PTPRD: variants seen among roughly 807,000 people sequenced by gnomAD.
The protein encoded by PTPRD is receptor-type tyrosine-protein phosphatase delta.
A neutral mutation model predicts 214.5 loss-of-function variants in PTPRD; 34 were observed. The ratio of observed to expected loss-of-function variants is 0.16; its 90% CI spans 0.12 to 0.21. The LOEUF is 0.21. Among genes scored for constraint, PTPRD ranks in the 10% least tolerant of loss-of-function variants. The pLI, the probability that PTPRD is intolerant of heterozygous loss-of-function variation, is 1.00. For synonymous variants in PTPRD, 1,128 were observed against 845.7 expected, an observed-to-expected ratio of 1.33 and a Z score of -5.79; for missense variants, 2,545 against 2,398.7, an observed-to-expected ratio of 1.06 and a Z score of -1.27.
intron 4 of PTPRD, among the ~76,000 whole-genome samples, chr9:9,945,728 T>A (rs1209160988): frequency 6.6e-6 from 1 of 152,086 alleles, no homozygotes; most frequent in Non-Finnish European, 1.5e-5. Context: ...TTTTCACACA[T>A]AAATAGAACA....
intron 10 of PTPRD, among the ~76,000 whole-genome samples, chr9:9,173,557 G>A (rs986350877): frequency 1.3e-5 from 2 of 152,090 alleles, no homozygotes; most frequent in South Asian, 4.1e-4. Flanking sequence ...TAGGCTATAT[G>A]GTATAGCTTA....
intron 2 of PTPRD, among the ~76,000 whole-genome samples, chr9:10,414,925 C>T (rs1162223451): frequency 6.6e-6 from 1 of 151,342 alleles, no homozygotes; most frequent in Non-Finnish European, 1.5e-5. Context: ...CTGGGGTCTA[C>T]TTGAGGGTGA....
chr9:8,802,293 C>A (rs2096587449), intron 11 of PTPRD, among the ~76,000 whole-genome samples: 1 of 152,040 alleles, frequency 6.6e-6, no homozygotes, highest in African/African-American at 2.4e-5. Flanking sequence ...GTGTAGAAAG[C>A]AATACAGAAA....
chr9:10,185,122 C>G (rs560091115), intron 3 of PTPRD, among the ~76,000 whole-genome samples: 2 of 152,062 alleles, frequency 1.3e-5, no homozygotes, highest in Non-Finnish European at 2.9e-5. Context: ...ACACTATTAT[C>G]AGAACAGCAT....
intron 8 of PTPRD, among the ~76,000 whole-genome samples, chr9:9,407,157 C>T (rs1028834004): frequency 6.6e-5 from 10 of 151,820 alleles, no homozygotes; most frequent in Middle Eastern, 3.4e-3. Context: ...ATTGGCTTAT[C>T]GATATCTGAA....
chr9:10,067,060 G>A (rs542215350), intron 3 of PTPRD, among the ~76,000 whole-genome samples: 246 of 151,998 alleles, frequency 1.6e-3, no homozygotes, highest in Non-Finnish European at 2.5e-3. Context: ...CCGTGCTTAT[G>A]AGGGTGATGT....
At chr9:9,835,286 C>G (rs888196823) in intron 5 of PTPRD, among the ~76,000 whole-genome samples, 1 of 152,022 alleles carries the variant, frequency 6.6e-6, no homozygotes, top group African/African-American at 2.4e-5. Flanking sequence ...ACCATACAAC[C>G]CCTGAGACTT....
intron 2 of PTPRD, among the ~76,000 whole-genome samples, chr9:10,460,934 T>C (rs1178247239): frequency 6.6e-6 from 1 of 151,350 alleles, no homozygotes; most frequent in Non-Finnish European, 1.5e-5. Context: ...AAAGAAAAAA[T>C]CAACAAAATG....
chr9:9,387,036 G>C (rs920106659), intron 9 of PTPRD, among the ~76,000 whole-genome samples: 12 of 152,200 alleles, frequency 7.9e-5, no homozygotes, highest in Non-Finnish European at 1.5e-5. Flanking sequence ...ACTTTGATGT[G>C]AGTGCAGGTG....
chr9:8,553,699 G>A (rs182606031), intron 14 of PTPRD, among the ~76,000 whole-genome samples: 1 of 152,198 alleles, frequency 6.6e-6, no homozygotes, highest in Non-Finnish European at 1.5e-5. Flanking sequence ...CGTCTAAAAT[G>A]TATGTTCTCT....
At chr9:9,318,571 T>C (rs546319172) in intron 9 of PTPRD, among the ~76,000 whole-genome samples, 1 of 152,290 alleles carries the variant, frequency 6.6e-6, no homozygotes. Context: ...TAGAAAACAC[T>C]AGATTTTAAT....
At chr9:8,675,518 C>G (rs1025787855) in intron 12 of PTPRD, among the ~76,000 whole-genome samples, 13 of 109,506 alleles carry the variant, frequency 1.2e-4, no homozygotes, top group Non-Finnish European at 2.1e-4. Context: ...CATATGCACA[C>G]ATACACACAC....
At chr9:10,426,589 T>C (rs1398291639) in intron 2 of PTPRD, among the ~76,000 whole-genome samples, 1 of 152,052 alleles carries the variant, frequency 6.6e-6, no homozygotes, top group South Asian at 2.1e-4. Flanking sequence ...GGAAACTGGA[T>C]AAGATAGCAG....
chr9:8,968,090 C>T (rs575740745), intron 11 of PTPRD, among the ~76,000 whole-genome samples: 2 of 151,916 alleles, frequency 1.3e-5, no homozygotes, highest in South Asian at 2.1e-4. Flanking sequence ...GAACTCATCC[C>T]TTTTTATGGC....
At chr9:8,553,694 A>G (rs2082806860) in intron 14 of PTPRD, among the ~76,000 whole-genome samples, 1 of 152,202 alleles carries the variant, frequency 6.6e-6, no homozygotes, top group Admixed American at 6.5e-5. Context: ...TCAAGCGTCT[A>G]AAATGTATGT....
In PTPRD at chr9:10,216,006, G is replaced by A. The variant is rs868535281; in HGVS notation, c.-545+124957C>T. Among the ~76,000 whole-genome samples, 31 of 151,940 alleles carry A rather than the reference G, an allele frequency of 2.0e-4. 1 individual carries two copies. In the Middle Eastern group the frequency reaches 0.01, roughly 50 times the overall value. On this transcript the variant is annotated intron_variant, in intron 3 of 45. Transcript: ENST00000381196. ...GGCAAGACTGAGAAACTTTTTCTAA[G>A]GAAAAGTGAGAGCATAATTAATACC...
At chr9:9,903,889 C>A (rs894128266) in intron 5 of PTPRD, among the ~76,000 whole-genome samples, 8 of 152,098 alleles carry the variant, frequency 5.3e-5, no homozygotes, top group Non-Finnish European at 1.2e-4. Flanking sequence ...TAACAATAAA[C>A]TCGGTTTTCA....
chr9:10,265,214 C>T (rs1339621075), intron 3 of PTPRD, among the ~76,000 whole-genome samples: 5 of 152,152 alleles, frequency 3.3e-5, no homozygotes, highest in Non-Finnish European at 7.3e-5. Context: ...CTTCCTGCCT[C>T]CTGGAGCTTA....
intron 44 of PTPRD, among the ~76,000 whole-genome samples, chr9:8,321,714 T>A (rs1010554868): frequency 6.6e-6 from 1 of 151,692 alleles, no homozygotes; most frequent in Non-Finnish European, 1.5e-5. Context: ...TTAGAAAAGT[T>A]TAAATTAGCA....
Sources: gnomAD v4.1 joint callset for allele counts (sites outside exome capture counted in the v4.1 genomes callset) on GRCh38, gnomAD v4.1.1 for gene constraint, MANE v1.5 for transcripts, NCBI Gene and HGNC (gene_info 2026-07-23, HGNC 2026-07-21) for gene names.